The following FREM2 variants were observed in gnomAD, a reference collection of about 807,000 sequenced individuals.
FREM2 encodes FRAS1-related extracellular matrix protein 2.
A neutral mutation model predicts 219.9 loss-of-function variants in FREM2; 119 were observed. The ratio of observed to expected loss-of-function variants is 0.54; its 90% CI spans 0.47 to 0.63. The LOEUF is 0.63. Ranked by LOEUF, FREM2 falls within the 30% of genes least tolerant of loss-of-function variation. The pLI is 0.00. For missense variants in FREM2, 4,030 were observed against 3,993.6 expected (o/e 1.01, Z -0.25); for synonymous variants, 1,562 against 1,522.8 (o/e 1.03, Z -0.60).
At chr13:38,861,855 T>C (rs1877774642) in intron 15 of FREM2, among the ~76,000 whole-genome samples, 1 of 152,244 alleles carries the variant, frequency 6.6e-6, no homozygotes, top group South Asian at 2.1e-4. Flanking sequence ...GCATCTTCAA[T>C]CGTAAACTTG....
chr13:38,834,442 T>G (rs900296897), intron 6 of FREM2, among the ~76,000 whole-genome samples: 1 of 152,118 alleles, frequency 6.6e-6, no homozygotes, highest in Non-Finnish European at 1.5e-5. Flanking sequence ...AGTAGAATGA[T>G]TTATAATCTT....
At chr13:38,708,842 C>T (rs1322889906) in intron 2 of FREM2, among the ~76,000 whole-genome samples, 1 of 152,080 alleles carries the variant, frequency 6.6e-6, no homozygotes, top group Admixed American at 6.5e-5. Flanking sequence ...TCACTGCAAC[C>T]TCTGCCTCAC....
intron 6 of FREM2, among the ~76,000 whole-genome samples, chr13:38,825,870 G>T (rs967261439): frequency 2.0e-5 from 3 of 151,954 alleles, no homozygotes; most frequent in Admixed American, 2.0e-4. Context: ...TTTTTAAATT[G>T]TATTTTAAAA....
rs1869851505 is a variant in FREM2, at chr13:38,691,431, A to G, written c.4087A>G (p.Asn1363Asp). Residue 1363 changes from asparagine to aspartate, a missense_variant, in exon 1 of 24, where the codon AAT (asparagine) becomes GAT (aspartate). Coordinates refer to ENST00000280481, the MANE Select transcript of FREM2 (RefSeq NM_207361.6). ...ACGAAAACCTACTGGTGCCTTTGAAAATATCACACTGGGCATGAATTTTAC... is the reference window on the plus strand; with the variant it reads ...ACGAAAACCTACTGGTGCCTTTGAAGATATCACACTGGGCATGAATTTTAC... ...QRRKPTGAFENITLGMNFTQD... is the reference protein window; with the variant it reads ...QRRKPTGAFEDITLGMNFTQD... 6.2e-7 allele frequency: 1 copy of G among 1,614,084 alleles called. No homozygotes were observed.
Position 38,851,816 on chromosome 13 carries a change from C to G in FREM2, c.6873C>G (p.His2291Gln). 1 of 1,613,986 alleles carries G rather than the reference C, an allele frequency of 6.2e-7. No individual in the cohort carries two copies. Among genetic ancestry groups the G allele is most frequent in the Non-Finnish European group, 8.5e-7 (1 of 1,179,928 alleles). The change falls in exon 11 of 24, where the codon CAC becomes CAG. Residue 2291 changes from histidine to glutamine, a missense_variant. This residue lies in a region of FREM2 where 3,102 missense variants were observed against 2,950.7 expected (regional missense o/e 1.05). Transcript: ENST00000280481. ...DTSKVSIVRV[H>Q]TKDGSATSGE... ...CAAAGGTTTCCATTGTGAGAGTCCACACCAAGGATGGCTCGGCCACCTCTG... is the reference window on the plus strand; with the variant it reads ...CAAAGGTTTCCATTGTGAGAGTCCAGACCAAGGATGGCTCGGCCACCTCTG...
At chr13:38,795,365 G>A (rs183029189) in intron 6 of FREM2, among the ~76,000 whole-genome samples, 1 of 149,790 alleles carries the variant, frequency 6.7e-6, no homozygotes, top group African/African-American at 2.5e-5. Context: ...TTCTGGTAGT[G>A]GGTATACTAG....
At position 38,872,938 on chromosome 13, in the gene FREM2, A is replaced by T. The variant is rs1391306623; in HGVS notation, c.8176+4A>T. The T allele has an allele frequency of 6.2e-7, 1 of 1,613,006 alleles. No homozygotes were observed. The highest frequency in any genetic ancestry group is 1.7e-5 in the Admixed American group (1 of 60,002). On this transcript the variant is annotated splice_donor_region_variant and intron_variant, in intron 17 of 23. Coordinates refer to ENST00000280481, the MANE Select transcript of FREM2 (RefSeq NM_207361.6). ...CCCCCAGAGGCTGAACTTCAAGGTGAGTTCAGAAGACTTGGAAAATTCTAT... is the reference window on the plus strand; with the variant it reads ...CCCCCAGAGGCTGAACTTCAAGGTGTGTTCAGAAGACTTGGAAAATTCTAT...
intron 2 of FREM2, among the ~76,000 whole-genome samples, chr13:38,703,364 A>G (rs531175068): frequency 3.3e-5 from 5 of 152,204 alleles, no homozygotes; most frequent in African/African-American, 4.8e-5. Context: ...AGGGGGAAAG[A>G]TGCTAGTGCC....
chr13:38,758,171 G>A (rs1427787229), intron 2 of FREM2, among the ~76,000 whole-genome samples: 2 of 152,098 alleles, frequency 1.3e-5, no homozygotes, highest in African/African-American at 2.4e-5. Flanking sequence ...TGCCTTCTTT[G>A]TCTCTAATAT....
At chr13:38,724,252 G>T (rs1871419736) in intron 2 of FREM2, among the ~76,000 whole-genome samples, 1 of 152,160 alleles carries the variant, frequency 6.6e-6, no homozygotes, top group Non-Finnish European at 1.5e-5. Flanking sequence ...ACTAACCCTG[G>T]TTTAATGTCT....
chr13:38,788,194 T>G (rs767961779), intron 6 of FREM2, among the ~76,000 whole-genome samples: 1 of 152,140 alleles, frequency 6.6e-6, no homozygotes, highest in Non-Finnish European at 1.5e-5. Flanking sequence ...TATTTTCAAG[T>G]CTTCAGAAGC....
At chr13:38,798,180 A>G (rs1008427701) in intron 6 of FREM2, among the ~76,000 whole-genome samples, 1 of 152,038 alleles carries the variant, frequency 6.6e-6, no homozygotes, top group African/African-American at 2.4e-5. Context: ...CATTTTTATT[A>G]TGATGGATGT....
At chr13:38,785,127 T>G (rs1156402639) in intron 6 of FREM2, among the ~76,000 whole-genome samples, 1 of 152,242 alleles carries the variant, frequency 6.6e-6, no homozygotes, top group Non-Finnish European at 1.5e-5. Context: ...TATTTCCTTC[T>G]TGGTTTTTTG....
Position 38,846,662 on chromosome 13 carries a change from C to A in FREM2, c.6109C>A (p.Leu2037Met), listed in dbSNP as rs539893834. The change falls in exon 7 of 24, where the codon CTG becomes ATG. Residue 2037 changes from leucine (L) to methionine (M), a missense_variant. Physicochemically the swap from Leu to Met is conservative, Grantham distance 15. Around this residue, in one of 2 missense-constraint regions of FREM2, gnomAD observed 3,102 missense variants for 2,950.7 expected, o/e 1.05. Transcript: ENST00000280481. Reference protein sequence around the residue: ...EVQVWRTGTDLSKSSSVTVRS... With the variant: ...EVQVWRTGTDMSKSSSVTVRS... ...GCAGGTGTGGAGAACGGGCACTGAC[C>A]TGTCCAAGTCTTCTAGTGTCACAGT... 1.2e-5 allele frequency: 19 copies of A among 1,613,822 alleles called. No individual in the cohort carries two copies. In the South Asian group the frequency reaches 1.4e-4, roughly 12 times the overall value.
chr13:38,836,189 A>G (rs1301089259), intron 6 of FREM2, among the ~76,000 whole-genome samples: 2 of 152,174 alleles, frequency 1.3e-5, no homozygotes. Context: ...TTCTGCATCT[A>G]TTGAGATAAT....
intron 6 of FREM2, among the ~76,000 whole-genome samples, chr13:38,816,328 T>G (rs887026862): frequency 7.2e-5 from 11 of 152,228 alleles, no homozygotes; most frequent in African/African-American, 2.6e-4. Context: ...ATGTGAAAAT[T>G]CTTAACGAGA....
chr13:38,806,530 A>G (rs1434347546), intron 6 of FREM2, among the ~76,000 whole-genome samples: 2 of 151,596 alleles, frequency 1.3e-5, no homozygotes, highest in Non-Finnish European at 1.5e-5. Flanking sequence ...GCAATAGTCT[A>G]TTAAGTATGC....
intron 3 of FREM2, 115 bp downstream of exon 3, chr13:38,764,565 A>G (rs576036208): frequency 1.1e-5 from 7 of 658,256 alleles, no homozygotes; most frequent in Non-Finnish European, 1.8e-5. Context: ...TTAAAATTTA[A>G]AAGTTCTCTA....
At chr13:38,722,228 C>T (rs1387869340) in intron 2 of FREM2, among the ~76,000 whole-genome samples, 2 of 151,666 alleles carry the variant, frequency 1.3e-5, no homozygotes, top group East Asian at 3.9e-4. Flanking sequence ...TTTAAAAAAA[C>T]AAAAAAATTA....
Sources: allele counts gnomAD v4.1 joint callset (sites outside exome capture counted in the v4.1 genomes callset), GRCh38; gene constraint gnomAD v4.1.1; regional missense constraint gnomAD v4.1.1; transcripts MANE v1.5; gene names NCBI Gene and HGNC (gene_info 2026-07-23, HGNC 2026-07-21).